Variants in KLK12 observed in about 807,000 individuals in gnomAD.
KLK12 encodes kallikrein related peptidase 12.
In KLK12, 23 loss-of-function variants were observed where a neutral mutation model predicts 20.0. That is an observed-to-expected ratio of 1.15 (90% CI 0.83 to 1.63). The LOEUF is 1.63. Ranked by LOEUF, KLK12 falls within the 40% of genes most tolerant of loss-of-function variation. The pLI is 0.00. For missense variants in KLK12, 351 were observed against 338.6 expected, an observed-to-expected ratio of 1.04 and a Z score of -0.29; for synonymous variants, 147 against 141.9, an observed-to-expected ratio of 1.04 and a Z score of -0.25.
At chr19:51,030,198 G>GC (rs1460190314) in intron 5 of KLK12, 1 of 151,648 alleles carries the variant, frequency 6.6e-6, no homozygotes, top group Admixed American at 6.7e-5. Flanking sequence ...TGTAACCCCT[G>GC]CCCCATCTTT....
intron 5 of KLK12, among the ~76,000 whole-genome samples, chr19:51,029,902 T>G (rs915758092): frequency 6.7e-6 from 1 of 149,286 alleles, no homozygotes; most frequent in African/African-American, 2.5e-5. Context: ...AGGATAGAGG[T>G]TCTCTCAAGG....
At chr19:51,030,948 G>T in intron 4 of KLK12, 27 bp from the exon 5 acceptor site, 1 of 1,613,706 alleles carries the variant, frequency 6.2e-7, no homozygotes, top group South Asian at 1.1e-5. Flanking sequence ...CGTGCTGCAG[G>T]GTCCCCTAAA....
At chr19:51,034,411 G>T in intron 2 of KLK12, 174 bp downstream of exon 2, 1 of 1,453,692 alleles carries the variant, frequency 6.9e-7, no homozygotes. Context: ...AGGGGAGACC[G>T]AGGTGAGCAG....
chr19:51,033,484 C>G (rs530305965), intron 3 of KLK12, among the ~76,000 whole-genome samples: 11 of 152,088 alleles, frequency 7.2e-5, no homozygotes, highest in Admixed American at 5.2e-4. Context: ...GGCATGGTGG[C>G]GGGTGCCTGT....
At chr19:51,030,744 ACTTCCTGTC>A in intron 5 of KLK12, 35 bp downstream of exon 5, 1 of 1,609,650 alleles carries the variant, frequency 6.2e-7, no homozygotes, top group Non-Finnish European at 8.5e-7. Context: ...CCTCCCCTTC[ACTTCCTGTC>A]CTGGTGACCA....
In KLK12 at chr19:51,030,832, T is replaced by A; in HGVS notation, c.547A>T (p.Asn183Tyr). The change falls in exon 5 of 6, where the codon AAC becomes TAC. Residue 183 changes from asparagine (N) to tyrosine (Y), a missense_variant. Asn to Tyr is a moderately radical substitution (Grantham distance 143). Coordinates refer to ENST00000684732, the MANE Select transcript of KLK12 (RefSeq NM_001370125.1). Reference protein sequence around the residue: ...HGVYPGRITSNMVCAGGVPGQ... With the variant: ...HGVYPGRITSYMVCAGGVPGQ... ...GGGACGCCGCCTGCACACACCATGTTGCTCGTGATTCTCCCGGGATACACA... is the reference window on the plus strand; with the variant it reads ...GGGACGCCGCCTGCACACACCATGTAGCTCGTGATTCTCCCGGGATACACA... The A allele has an allele frequency of 6.2e-7, 1 of 1,614,148 alleles. No individual in the cohort carries two copies. Among genetic ancestry groups the A allele is most frequent in the Non-Finnish European group, 8.5e-7 (1 of 1,180,034 alleles).
In KLK12 at chr19:51,034,006, G is replaced by C; in HGVS notation, c.171C>G (p.Val57=). ...CGGVLIDHRW[V]LTAAHCSGSR... is the part of the protein sequence containing the mutation. ...TGCCGCTGCAGTGAGCCGCTGTGAG[G>C]ACCCACCTGTGGTCAATAAGGACAC... is the stretch of plus-strand genomic sequence containing the variant. The change falls in exon 3 of 6, where the codon GTC becomes GTG. Residue 57 remains valine (V), a synonymous_variant. Transcript: ENST00000684732. 2 of 1,611,578 alleles carry C rather than the reference G, an allele frequency of 1.2e-6. No homozygotes were observed. The highest frequency in any genetic ancestry group is 1.7e-6 in the Non-Finnish European group (2 of 1,179,228).
At chr19:51,031,595 C>CATAT (rs1555789322) in intron 4 of KLK12, among the ~76,000 whole-genome samples, 4,881 of 120,464 alleles carry the variant, frequency 0.041, 442 homozygotes, top group African/African-American at 0.13. Context: ...CCTATACATA[C>CATAT]ATATATATAT....
In KLK12 at chr19:51,032,117, C is replaced by A. The variant is rs565600470; in HGVS notation, c.216G>T (p.Leu72=). ...CGAGCTGGCTGAGGCTGTGTTCCCC[C>A]AGGCGCACCCAGTACCTGCTGCCGG... ...HCSGSRYWVR[L]GEHSLSQLDW... The change falls in exon 4 of 6, where the codon CTG becomes CTT. Residue 72 remains leucine, a synonymous_variant. Transcript: ENST00000684732. 2 of 1,602,354 alleles carry A rather than the reference C, an allele frequency of 1.2e-6. No individual in the cohort carries two copies. The highest frequency in any genetic ancestry group is 1.3e-5 in the African/African-American group (1 of 74,832).
intron 3 of KLK12, among the ~76,000 whole-genome samples, chr19:51,032,381 CTTTTT>C (rs869282785): frequency 5.2e-5 from 6 of 115,286 alleles, no homozygotes; most frequent in Non-Finnish European, 7.1e-5. Context: ...TCTCTCTCTC[CTTTTT>C]TTTTTTTTTT....
Position 51,032,025 on chromosome 19 carries a change from G to A in KLK12, c.308C>T (p.Thr103Met), listed in dbSNP as rs776990216. Residue 103 changes from threonine to methionine, a missense_variant, in exon 4 of 6, where the codon ACG becomes ATG. Coordinates refer to ENST00000684732, the MANE Select transcript of KLK12 (RefSeq NM_001370125.1). Reference protein sequence around the residue: ...VTHPGYLGASTSHEHDLRLLR... With the variant: ...VTHPGYLGASMSHEHDLRLLR... ...CAGCCGGAGGTCGTGCTCGTGGCTC[G>A]TCGAGGCTCCCAGGTAGCCGGGATG... The A allele has an allele frequency of 3.8e-5, 61 of 1,609,284 alleles. No individual in the cohort carries two copies. Among genetic ancestry groups the A allele is most frequent in the South Asian group, 3.4e-4 (31 of 90,900 alleles).
chr19:51,030,406 G>A (rs1376486663), intron 5 of KLK12, among the ~76,000 whole-genome samples: 1 of 151,352 alleles, frequency 6.6e-6, no homozygotes, highest in African/African-American at 2.4e-5. Context: ...CTGGAGTGCA[G>A]TGGCGTGATC....
Position 51,029,391 on chromosome 19 carries a change from C to A in KLK12, c.658G>T (p.Gly220Trp), listed in dbSNP as rs2091527194. The change falls in exon 6 of 6, where the codon GGG becomes TGG. Residue 220 changes from glycine (G) to tryptophan (W), a missense_variant. By Grantham distance (184) the Gly-to-Trp change is radical. Coordinates refer to ENST00000684732, the MANE Select transcript of KLK12 (RefSeq NM_001370125.1). ...GGGATGCCATCTTGTCCACAGGGCC[C>A]CACAGACCCCCAGGACACCAGACCT... is the stretch of plus-strand genomic sequence containing the variant. Reference protein sequence around the residue: ...LQGLVSWGSVGPCGQDGIPGV... With the variant: ...LQGLVSWGSVWPCGQDGIPGV... 6.2e-7 allele frequency: 1 copy of A among 1,613,690 alleles called. No homozygotes were observed. Among genetic ancestry groups the A allele is most frequent in the African/African-American group, 1.3e-5 (1 of 74,870 alleles).
At chr19:51,032,795 C>A (rs2091572726) in intron 3 of KLK12, among the ~76,000 whole-genome samples, 1 of 152,180 alleles carries the variant, frequency 6.6e-6, no homozygotes, top group African/African-American at 2.4e-5. Flanking sequence ...GCCCTCCATG[C>A]TCATGCGTGG....
At chr19:51,033,855 T>C in intron 3 of KLK12, 125 bp downstream of exon 3, 2 of 1,015,928 alleles carry the variant, frequency 2.0e-6, no homozygotes, top group Non-Finnish European at 3.0e-6. Flanking sequence ...ACTCCTGGTC[T>C]AACCTCAGAC....
rs773385511 is a variant in KLK12 at position 51,032,103 on chromosome 19, A to G, written c.230T>C (p.Leu77Pro). Residue 77 changes from leucine to proline, a missense_variant, in exon 4 of 6, where the codon CTC (leucine) becomes CCC (proline). Coordinates refer to ENST00000684732, the MANE Select transcript of KLK12 (RefSeq NM_001370125.1). ...CTGCTCGGTCCAGTCGAGCTGGCTG[A>G]GGCTGTGTTCCCCCAGGCGCACCCA... ...RYWVRLGEHS[L>P]SQLDWTEQIR... 1.9e-6 allele frequency: 3 copies of G among 1,604,310 alleles called. No homozygotes were observed. The highest frequency in any genetic ancestry group is 2.2e-5 in the South Asian group (2 of 90,352).
In KLK12 at chr19:51,034,151, CAG is replaced by C. The variant is rs2091588884; in HGVS notation, c.38-14_38-13del. On this transcript the variant is annotated splice_polypyrimidine_tract_variant and intron_variant, in intron 2 of 5. Coordinates refer to ENST00000684732, the MANE Select transcript of KLK12 (RefSeq NM_001370125.1). Reference sequence around the variant, plus strand: ...TGCCTGGCTGAGCCCTGGAGACAGACAGGGGCATGGGTCAGAGAGAGGAAGAA... The same window carrying C: ...TGCCTGGCTGAGCCCTGGAGACAGACGGGCATGGGTCAGAGAGAGGAAGAA... 3.9e-6 allele frequency: 6 copies of C among 1,551,696 alleles called. No homozygotes were observed. The highest frequency in any genetic ancestry group is 5.2e-6 in the Non-Finnish European group (6 of 1,147,090).
intron 2 of KLK12, 103 bp from the exon 3 acceptor site, chr19:51,034,242 A>G (rs2091589864): frequency 7.4e-7 from 1 of 1,350,422 alleles, no homozygotes; most frequent in Admixed American, 2.0e-5. Flanking sequence ...GAGAGAGGAG[A>G]AAGAGAGACG....
At position 51,033,909 on chromosome 19, in the gene KLK12, C is replaced by T. The variant is rs2091584863; in HGVS notation, c.197+71G>A. 6.2e-6 allele frequency: 9 copies of T among 1,442,790 alleles called. 1 individual carries two copies. In the South Asian group the frequency reaches 8.4e-5, roughly 14 times the overall value. 89.4% of individuals were successfully genotyped at this position (1,442,790 alleles called of 1,614,324 possible). A position where few individuals can be genotyped will look rare whatever the true frequency, so the allele number is the denominator to read the frequency against. On this transcript the variant is annotated intron_variant, in intron 3 of 5. Coordinates refer to ENST00000684732, the MANE Select transcript of KLK12 (RefSeq NM_001370125.1). Reference sequence around the variant, plus strand: ...GCTTCTTCCCAGTGGGCACCACCCTCCCTTGTGATCCTACCCCCAGCGCTT... The same window carrying T: ...GCTTCTTCCCAGTGGGCACCACCCTTCCTTGTGATCCTACCCCCAGCGCTT...
Sources: gnomAD v4.1 joint callset for allele counts (sites outside exome capture counted in the v4.1 genomes callset) on GRCh38, gnomAD v4.1.1 for gene constraint, MANE v1.5 for transcripts, NCBI Gene and HGNC (gene_info 2026-07-23, HGNC 2026-07-21) for gene names.